Variants in STXBP4 observed in about 807,000 individuals in gnomAD.
STXBP4 encodes the protein syntaxin binding protein 4, also known as syntaxin-binding protein 4.
A neutral mutation model predicts 76.1 loss-of-function variants in STXBP4; 55 were observed. The observed-to-expected ratio is 0.72, with a 90% CI of 0.58 to 0.91. The LOEUF (loss-of-function observed/expected upper bound fraction) is 0.91. Ranked by LOEUF, STXBP4 falls within the 40% of genes least tolerant of loss-of-function variation. The pLI, the probability that STXBP4 is intolerant of heterozygous loss-of-function variation, is 0.00. For synonymous variants in STXBP4, 201 were observed against 220.2 expected (o/e 0.91, Z 0.77); for missense variants, 618 against 636.9 (o/e 0.97, Z 0.32).
At chr17:55,195,613 AT>A in the STXBP4 span, among the ~76,000 whole-genome samples, 5 of 151,982 alleles carry the variant, frequency 3.3e-5, no homozygotes, top group Non-Finnish European at 7.4e-5. Flanking sequence ...ACCGAGCTAA[AT>A]TTTTTATTTT....
At chr17:55,192,702 C>A in the STXBP4 span, among the ~76,000 whole-genome samples, 1 of 152,222 alleles carries the variant, frequency 6.6e-6, no homozygotes, top group Non-Finnish European at 1.5e-5. Context: ...TTAGTGCTCA[C>A]AGTCAGCCTC....
intron 8 of STXBP4, among the ~76,000 whole-genome samples, chr17:55,017,562 G>T (rs2078230503): frequency 6.6e-6 from 1 of 152,238 alleles, no homozygotes; most frequent in South Asian, 2.1e-4. Flanking sequence ...GAATTTGGGG[G>T]CTACACTTTC....
intron 12 of STXBP4, 36 bp downstream of exon 12, chr17:55,047,190 G>A: frequency 1.8e-6 from 1 of 561,130 alleles, no homozygotes; most frequent in Admixed American, 3.0e-5. Context: ...GTGCTCGTGT[G>A]TGTGTGTGTG....
At chr17:55,134,356 A>G (rs1422365577) in intron 16 of STXBP4, among the ~76,000 whole-genome samples, 1 of 152,150 alleles carries the variant, frequency 6.6e-6, no homozygotes, top group Non-Finnish European at 1.5e-5. Flanking sequence ...ATAACCATGA[A>G]AACTATCTCT....
At chr17:55,103,449 G>A (rs570776275) in intron 16 of STXBP4, among the ~76,000 whole-genome samples, 1 of 152,032 alleles carries the variant, frequency 6.6e-6, no homozygotes, top group Non-Finnish European at 1.5e-5. Context: ...GTAGTGTATA[G>A]CATTATTTTT....
chr17:55,108,592 A>C (rs2079666841), intron 16 of STXBP4, among the ~76,000 whole-genome samples: 1 of 152,184 alleles, frequency 6.6e-6, no homozygotes. Flanking sequence ...TGGGAAAAGC[A>C]TAGTATCTGG....
At chr17:55,044,668 A>G (rs2078759849) in intron 11 of STXBP4, 1 of 152,062 alleles carries the variant, frequency 6.6e-6, no homozygotes, top group South Asian at 2.1e-4. Context: ...ATAAATAAAT[A>G]TATGTATATG....
intron 17 of STXBP4, among the ~76,000 whole-genome samples, chr17:55,149,261 G>A (rs2628315): frequency 0.33 from 50,576 of 152,032 alleles, 8,756 homozygotes; most frequent in African/African-American, 0.44. Context: ...ACAGGGCCTG[G>A]TATTTGTAGG....
At chr17:55,086,272 A>G (rs758601655) in intron 16 of STXBP4, among the ~76,000 whole-genome samples, 1 of 152,142 alleles carries the variant, frequency 6.6e-6, no homozygotes, top group Non-Finnish European at 1.5e-5. Context: ...TTTTCAATTG[A>G]CAAGTAATAA....
rs1370166908 is a variant in STXBP4, at chr17:55,163,404, T to C, written c.*3493T>C. The C allele has an allele frequency of 6.6e-6, 1 of 152,138 alleles. No homozygotes were observed. Among genetic ancestry groups the C allele is most frequent in the Non-Finnish European group, 1.5e-5 (1 of 68,034 alleles). The allele number at this position is 152,138 out of a possible 1,614,324, so 9.4% of individuals were successfully genotyped here. On this transcript the variant is annotated 3_prime_UTR_variant, in exon 18 of 18. Coordinates refer to ENST00000376352, the MANE Select transcript of STXBP4 (RefSeq NM_178509.6). ...CATCATTACTCTTCTCTTTTCCTAC[T>C]TTACATGTAATGGTTGCGAGGACCA...
At chr17:55,207,286 G>A in the STXBP4 span, among the ~76,000 whole-genome samples, 1 of 152,090 alleles carries the variant, frequency 6.6e-6, no homozygotes, top group Non-Finnish European at 1.5e-5. Flanking sequence ...ATAGTCACCT[G>A]TCACTACAGG....
intron 12 of STXBP4, among the ~76,000 whole-genome samples, chr17:55,064,670 T>C (rs571130205): frequency 7.9e-5 from 12 of 152,210 alleles, no homozygotes; most frequent in Admixed American, 2.6e-4. Context: ...CATGCCCGGC[T>C]AATTTTTGTA....
intron 10 of STXBP4, among the ~76,000 whole-genome samples, chr17:55,036,382 T>C (rs1340564719): frequency 5.5e-5 from 8 of 145,558 alleles, no homozygotes; most frequent in Non-Finnish European, 9.2e-5. Context: ...TTTTAATTAA[T>C]TATATTTTAA....
chr17:55,089,286 C>T lies in STXBP4; in HGVS notation c.1489+8103C>T, dbSNP rs1393404556. 2.0e-5 allele frequency among the ~76,000 whole-genome samples: 3 copies of T among 152,244 alleles called. No individual in the cohort carries two copies. The East Asian group carries it at 5.8e-4, about 29-fold the overall frequency. ...AGTAATTAATTTAATTTTACTTTCT[C>T]GCTGTGGTAGGTATTAAATTATTAT... On this transcript the variant is annotated intron_variant, in intron 16 of 17. Coordinates refer to ENST00000376352, the MANE Select transcript of STXBP4 (RefSeq NM_178509.6).
At chr17:55,047,029 GA>G in intron 11 of STXBP4, 59 bp from the exon 12 acceptor site, 2 of 978,074 alleles carry the variant, frequency 2.0e-6, no homozygotes, top group Non-Finnish European at 3.2e-6. Context: ...AAGGGACTAA[GA>G]AGTCACACTT....
chr17:55,161,533 A>G lies in STXBP4; in HGVS notation c.*1622A>G, dbSNP rs188565854. ...CTCCCCCTGCTTGAAGAGTTTTCTA[A>G]TTCGTTTCTAGTGAGCAAAACAAAG... On this transcript the variant is annotated 3_prime_UTR_variant, in exon 18 of 18. Coordinates refer to ENST00000376352, the MANE Select transcript of STXBP4 (RefSeq NM_178509.6). 9 of 152,280 alleles carry G rather than the reference A, an allele frequency of 5.9e-5. No homozygotes were observed. The highest frequency in any genetic ancestry group is 2.2e-4 in the African/African-American group (9 of 41,546). The allele number at this position is 152,280 out of a possible 1,614,324, so 9.4% of individuals were successfully genotyped here.
chr17:55,155,714 T>A (rs1467527365), intron 17 of STXBP4, among the ~76,000 whole-genome samples: 1 of 152,146 alleles, frequency 6.6e-6, no homozygotes, highest in East Asian at 1.9e-4. Flanking sequence ...AGTGCCCTTT[T>A]TGTCATTAAA....
chr17:55,113,585 G>C (rs1448146968), intron 16 of STXBP4, among the ~76,000 whole-genome samples: 2 of 152,100 alleles, frequency 1.3e-5, no homozygotes, highest in Middle Eastern at 3.4e-3. Context: ...TCATAAGAGG[G>C]AAAATGTTAG....
In STXBP4 at chr17:55,073,228, A is replaced by C; in HGVS notation, c.1188+152A>C. On this transcript the variant is annotated intron_variant, in intron 13 of 17. Coordinates refer to ENST00000376352, the MANE Select transcript of STXBP4 (RefSeq NM_178509.6). ...AGGATGCTGTGTCCTGATGGGGATA[A>C]TGTAAAGGTCTTGAGCCTTCCTTTA... The C allele has an allele frequency of 4.1e-6, 3 of 727,468 alleles. No individual in the cohort carries two copies. The South Asian group carries it at 5.9e-5, about 14-fold the overall frequency. The allele number at this position is 727,468 out of a possible 1,614,324, so 45.1% of individuals were successfully genotyped here. A position where few individuals can be genotyped will look rare whatever the true frequency, so the allele number is the denominator to read the frequency against.
Sources: gnomAD v4.1 joint callset for allele counts (sites outside exome capture counted in the v4.1 genomes callset) on GRCh38, gnomAD v4.1.1 for gene constraint, MANE v1.5 for transcripts, NCBI Gene and HGNC (gene_info 2026-07-23, HGNC 2026-07-21) for gene names.